ANKS1B: variants seen among roughly 807,000 people sequenced by gnomAD.
ANKS1B encodes the protein ankyrin repeat and sterile alpha motif domain containing 1B.
Under a neutral mutation model 148.3 loss-of-function variants are expected in ANKS1B, and 36 were observed. That is an observed-to-expected ratio of 0.24 (90% CI 0.19 to 0.32). The LOEUF (loss-of-function observed/expected upper bound fraction) is 0.32, where lower values mean the gene tolerates loss of function less well. ANKS1B is among the 10% of genes least tolerant of loss of function. The pLI is 1.00. For synonymous variants in ANKS1B, 542 were observed against 560.8 expected, an observed-to-expected ratio of 0.97 and a Z score of 0.47; for missense variants, 1,157 against 1,542.6, an observed-to-expected ratio of 0.75 and a Z score of 4.19.
intron 12 of ANKS1B, among the ~76,000 whole-genome samples, chr12:99,320,279 CAG>C (rs1435763018): frequency 6.6e-6 from 1 of 152,202 alleles, no homozygotes. Context: ...TAATATCTCG[CAG>C]AGTGTTTTCC....
chr12:99,632,758 TA>T lies in ANKS1B; in HGVS notation c.1272+22308del, dbSNP rs1305960789. On this transcript the variant is annotated intron_variant, in intron 9 of 26. Transcript: ENST00000683438. ...ATATATATATATATATATATATATA[TA>T]TATATATATTTTAATTATACTTTAA... 3.7e-3 allele frequency among the ~76,000 whole-genome samples: 324 copies of T among 87,276 alleles called. 17 individuals carry two copies. Among genetic ancestry groups the T allele is most frequent in the African/African-American group, 0.011 (272 of 24,496 alleles). 57.3% of individuals were successfully genotyped at this position (87,276 alleles called of 152,430 possible). A position where few individuals can be genotyped will look rare whatever the true frequency, so the allele number is the denominator to read the frequency against.
intron 4 of ANKS1B, among the ~76,000 whole-genome samples, chr12:99,801,853 A>G (rs999091069): frequency 1.3e-5 from 2 of 152,200 alleles, no homozygotes; most frequent in Admixed American, 1.3e-4. Context: ...TAAAAGGTTC[A>G]TTTAAAGCAC....
intron 17 of ANKS1B, among the ~76,000 whole-genome samples, chr12:98,964,759 A>T (rs924248129): frequency 6.6e-6 from 1 of 152,224 alleles, no homozygotes; most frequent in Non-Finnish European, 1.5e-5. Context: ...AAATTAAAAC[A>T]ATTGAACACA....
chr12:99,775,682 G>T, intron 6 of ANKS1B, 21 bp from the exon 7 acceptor site: 2 of 1,321,760 alleles, frequency 1.5e-6, no homozygotes, highest in South Asian at 1.5e-5. Context: ...ACATTTTTGA[G>T]ATTACATACT....
At chr12:98,861,393 T>C (rs555338363) in intron 17 of ANKS1B, among the ~76,000 whole-genome samples, 52 of 152,184 alleles carry the variant, frequency 3.4e-4, no homozygotes, top group Non-Finnish European at 6.8e-4. Context: ...AAGGGTGTTG[T>C]TGATTTAATA....
At chr12:99,551,367 T>C (rs899187499) in intron 9 of ANKS1B, among the ~76,000 whole-genome samples, 1 of 152,152 alleles carries the variant, frequency 6.6e-6, no homozygotes, top group African/African-American at 2.4e-5. Flanking sequence ...TCTAGCTATG[T>C]CTCTTTAGGG....
intron 13 of ANKS1B, among the ~76,000 whole-genome samples, chr12:99,245,126 AT>A (rs2090042295): frequency 6.6e-6 from 1 of 152,166 alleles, no homozygotes; most frequent in African/African-American, 2.4e-5. Flanking sequence ...AAGTGCTAGG[AT>A]TACAGGCATG....
intron 10 of ANKS1B, among the ~76,000 whole-genome samples, chr12:99,463,573 G>A (rs1369008397): frequency 6.6e-6 from 1 of 152,192 alleles, no homozygotes; most frequent in Non-Finnish European, 1.5e-5. Flanking sequence ...TGGAAAATCA[G>A]GTCACTCCCA....
At chr12:98,948,863 T>A (rs2153062892) in intron 17 of ANKS1B, among the ~76,000 whole-genome samples, 1 of 151,048 alleles carries the variant, frequency 6.6e-6, no homozygotes, top group South Asian at 2.1e-4. Flanking sequence ...AAGAACTGCT[T>A]GACTTTCCAC....
intron 3 of ANKS1B, among the ~76,000 whole-genome samples, chr12:99,808,675 C>T (rs1005774714): frequency 1.3e-5 from 2 of 152,066 alleles, no homozygotes; most frequent in African/African-American, 4.8e-5. Context: ...TACTTCACAC[C>T]ATGAAAACAT....
At chr12:99,786,636 T>C (rs1567847307) in intron 4 of ANKS1B, among the ~76,000 whole-genome samples, 1 of 152,162 alleles carries the variant, frequency 6.6e-6, no homozygotes, top group Non-Finnish European at 1.5e-5. Context: ...AAGGCAAAAT[T>C]GTACAATCTC....
intron 2 of ANKS1B, among the ~76,000 whole-genome samples, chr12:99,822,149 G>A (rs1407459729): frequency 6.6e-6 from 1 of 151,804 alleles, no homozygotes; most frequent in Non-Finnish European, 1.5e-5. Context: ...GATCAATAAT[G>A]ACAAAAAAAA....
Position 98,829,420 on chromosome 12 carries a change from A to G in ANKS1B, c.2887-67T>C. On this transcript the variant is annotated intron_variant, in intron 18 of 26. Coordinates refer to ENST00000683438, the MANE Select transcript of ANKS1B (RefSeq NM_001352186.2). This position sits in a 1 kb window ranked among gnomAD's most constrained non-coding sequence, Gnocchi z 5.2. ...GCTAACCTTTGGTTTCAAAATTGTG[A>G]AATACTGACAAGACAAACTGTGGGG... 1 of 1,509,674 alleles carries G rather than the reference A, an allele frequency of 6.6e-7. No homozygotes were observed. Among genetic ancestry groups the G allele is most frequent in the African/African-American group, 1.4e-5 (1 of 72,172 alleles). The allele number at this position is 1,509,674 out of a possible 1,614,324, so 93.5% of individuals were successfully genotyped here. A position where few individuals can be genotyped will look rare whatever the true frequency, so the allele number is the denominator to read the frequency against.
chr12:99,967,903 G>A (rs1224534198), intron 1 of ANKS1B, among the ~76,000 whole-genome samples: 2 of 104,252 alleles, frequency 1.9e-5, no homozygotes, highest in African/African-American at 4.3e-5. Flanking sequence ...GCGAAACTCC[G>A]TCTCAAAAAA....
intron 17 of ANKS1B, among the ~76,000 whole-genome samples, chr12:98,838,035 C>T (rs768313650): frequency 1.1e-4 from 16 of 152,102 alleles, no homozygotes; most frequent in Non-Finnish European, 1.8e-4. Context: ...ATCACGAGTA[C>T]CATTTTCGCC....
intron 9 of ANKS1B, among the ~76,000 whole-genome samples, chr12:99,584,748 T>C (rs2097610592): frequency 6.6e-6 from 1 of 152,126 alleles, no homozygotes; most frequent in Non-Finnish European, 1.5e-5. Flanking sequence ...AAGTCACATC[T>C]TATGTGGCAG....
intron 1 of ANKS1B, among the ~76,000 whole-genome samples, chr12:99,966,617 A>G (rs916434059): frequency 2.0e-5 from 3 of 152,194 alleles, no homozygotes; most frequent in African/African-American, 7.2e-5. Flanking sequence ...TATCTCATGT[A>G]AATGATTTTT....
intron 1 of ANKS1B, among the ~76,000 whole-genome samples, chr12:99,958,362 G>A (rs752792689): frequency 5.3e-5 from 8 of 152,110 alleles, no homozygotes; most frequent in Non-Finnish European, 1.0e-4. Flanking sequence ...ATTAAGCAAT[G>A]GCAAGCCACT....
At chr12:99,358,471 TAA>T (rs1566952703) in intron 12 of ANKS1B, among the ~76,000 whole-genome samples, 1 of 152,168 alleles carries the variant, frequency 6.6e-6, no homozygotes, top group Non-Finnish European at 1.5e-5. Flanking sequence ...TTAAGTTTCA[TAA>T]ATTTCTACAT....
Sources: gnomAD v4.1 joint callset for allele counts (sites outside exome capture counted in the v4.1 genomes callset) on GRCh38, gnomAD v4.1.1 for gene constraint, Gnocchi (gnomAD v3.1) non-coding constraint, MANE v1.5 for transcripts, NCBI Gene and HGNC (gene_info 2026-07-23, HGNC 2026-07-21) for gene names.